The following ZNF100 variants were observed in gnomAD, a reference collection of about 807,000 sequenced individuals.
The protein encoded by ZNF100 is zinc finger protein 100, also known as zinc finger protein 100 (Y1).
A neutral mutation model predicts 15.8 loss-of-function variants in ZNF100; 12 were observed. The ratio of observed to expected loss-of-function variants is 0.76; its 90% CI spans 0.49 to 1.23. The LOEUF (loss-of-function observed/expected upper bound fraction) is 1.23, where lower values mean the gene tolerates loss of function less well. ZNF100 is among the 50% of genes most tolerant of loss of function. The pLI is 0.00. For missense variants in ZNF100, 670 were observed against 635.6 expected (o/e 1.05, Z -0.58); for synonymous variants, 226 against 214.8 (o/e 1.05, Z -0.45).
intron 2 of ZNF100, among the ~76,000 whole-genome samples, chr19:21,764,524 C>T (rs1464253239): frequency 6.6e-6 from 1 of 151,870 alleles, no homozygotes; most frequent in Non-Finnish European, 1.5e-5. Context: ...CCTCTAATCG[C>T]AGCTACTCAG....
rs1188457125 is a variant in ZNF100, at chr19:21,726,749, G to T, written c.1563C>A (p.Asp521Glu). ...TAATAAGGCTTAGGGACTGGTTAAAGTCTTTACCACATTCTTCCCATTTGT... is the reference window on the plus strand; with the variant it reads ...TAATAAGGCTTAGGGACTGGTTAAATTCTTTACCACATTCTTCCCATTTGT... Reference protein sequence around the residue: ...KSYKWEECGKDFNQSLSLIKQ... With the variant: ...KSYKWEECGKEFNQSLSLIKQ... Residue 521 changes from aspartate to glutamate, a missense_variant, in exon 5 of 5, where the codon GAC (aspartate) becomes GAA (glutamate). Asp to Glu is a conservative substitution (Grantham distance 45). Transcript: ENST00000358296. 6.2e-7 allele frequency: 1 copy of T among 1,612,732 alleles called. No homozygotes were observed. The highest frequency in any genetic ancestry group is 8.5e-7 in the Non-Finnish European group (1 of 1,179,446).
chr19:21,735,677 G>A (rs1264453566), intron 4 of ZNF100, among the ~76,000 whole-genome samples: 3 of 152,136 alleles, frequency 2.0e-5, no homozygotes, highest in African/African-American at 7.2e-5. Context: ...TGCAATCATA[G>A]TTTCTGATAA....
Position 21,728,112 on chromosome 19 carries a change from C to T in ZNF100, c.323-123G>A, listed in dbSNP as rs1419374408. 9 of 881,286 alleles carry T rather than the reference C, an allele frequency of 1.0e-5. No individual in the cohort carries two copies. The East Asian group carries it at 2.8e-4, about 28-fold the overall frequency. 54.6% of individuals were successfully genotyped at this position (881,286 alleles called of 1,614,324 possible). A position where few individuals can be genotyped will look rare whatever the true frequency, so the allele number is the denominator to read the frequency against. On this transcript the variant is annotated intron_variant, in intron 4 of 4. Coordinates refer to ENST00000358296, the MANE Select transcript of ZNF100 (RefSeq NM_173531.4). ...AGGAAAATACCAAAGGCCCTCATTCCTTTATAGACATATAAATGTAAAAAA... is the reference window on the plus strand; with the variant it reads ...AGGAAAATACCAAAGGCCCTCATTCTTTTATAGACATATAAATGTAAAAAA...
intron 4 of ZNF100, among the ~76,000 whole-genome samples, chr19:21,731,117 T>C (rs1261396895): frequency 6.6e-6 from 1 of 152,116 alleles, no homozygotes; most frequent in African/African-American, 2.4e-5. Flanking sequence ...TAAAAGCACA[T>C]TGCAAAGCTA....
chr19:21,747,770 T>G (rs12972019), intron 2 of ZNF100, among the ~76,000 whole-genome samples: 2 of 152,182 alleles, frequency 1.3e-5, no homozygotes, highest in African/African-American at 2.4e-5. Context: ...GAAAACAACA[T>G]GTACACATGT....
intron 2 of ZNF100, among the ~76,000 whole-genome samples, chr19:21,760,181 C>CAAAAA (rs58849505): frequency 3.0e-5 from 4 of 133,994 alleles, no homozygotes; most frequent in Admixed American, 1.6e-4. Context: ...GACTCCGTCT[C>CAAAAA]AAAAAAAAAA....
intron 4 of ZNF100, among the ~76,000 whole-genome samples, chr19:21,738,800 G>T (rs2036056478): frequency 6.6e-6 from 1 of 152,090 alleles, no homozygotes; most frequent in African/African-American, 2.4e-5. Flanking sequence ...ACAAAAATTA[G>T]CTGGGCATGG....
At chr19:21,744,580 A>C (rs991162297) in intron 3 of ZNF100, among the ~76,000 whole-genome samples, 1 of 151,942 alleles carries the variant, frequency 6.6e-6, no homozygotes, top group Non-Finnish European at 1.5e-5. Flanking sequence ...CTTTGTTGGC[A>C]AGGCTGGTCT....
rs1430399399 is a variant in ZNF100, at chr19:21,729,248, C to T, written c.323-1259G>A. 2.0e-5 allele frequency among the ~76,000 whole-genome samples: 3 copies of T among 152,028 alleles called. No homozygotes were observed. In the East Asian group the frequency reaches 5.8e-4, roughly 29 times the overall value. ...ATACAGCAATCAAGTAAGCATAATA[C>T]TATCAGCAAATCTGTCCTGCCAAAT... On this transcript the variant is annotated intron_variant, in intron 4 of 4. Transcript: ENST00000358296.
chr19:21,760,838 G>A (rs1444984176), intron 2 of ZNF100, among the ~76,000 whole-genome samples: 3 of 143,030 alleles, frequency 2.1e-5, no homozygotes, highest in Admixed American at 1.5e-4. Flanking sequence ...CTCACTGGAA[G>A]TTCCACTTTG....
chr19:21,751,854 T>C (rs2145730707), intron 2 of ZNF100: 1 of 765,974 alleles, frequency 1.3e-6, no homozygotes, highest in East Asian at 2.5e-5. Flanking sequence ...GGAGCAGCTG[T>C]AAGAAGGTCT....
intron 2 of ZNF100, 100 bp from the exon 3 acceptor site, chr19:21,745,167 G>A: frequency 6.7e-7 from 1 of 1,483,828 alleles, no homozygotes; most frequent in East Asian, 2.4e-5. Context: ...AAAGAGAATT[G>A]GTTCTGATTA....
chr19:21,744,171 G>A, intron 3 of ZNF100, 56 bp from the exon 4 acceptor site: 1 of 1,441,090 alleles, frequency 6.9e-7, no homozygotes, highest in East Asian at 2.5e-5. Context: ...TACCAACCTA[G>A]TACTATGCTT....
rs1374332946 is a variant in ZNF100 at position 21,727,370 on chromosome 19, C to T, written c.942G>A (p.Val314=). The T allele has an allele frequency of 1.2e-6, 2 of 1,612,926 alleles. No homozygotes were observed. The highest frequency in any genetic ancestry group is 2.2e-5 in the East Asian group (1 of 44,872). The change falls in exon 5 of 5, where the codon GTG becomes GTA. Residue 314 remains valine (V), a synonymous_variant. Coordinates refer to ENST00000358296, the MANE Select transcript of ZNF100 (RefSeq NM_173531.4). ...CACATTCTGTACATTTGTAGGGTTT[C>T]ACTCCAGTATGAATTCTTTTATGTG... ...LTTHKRIHTG[V]KPYKCTECGK...
intron 2 of ZNF100, 72 bp from the exon 3 acceptor site, chr19:21,745,139 A>G: frequency 1.3e-6 from 2 of 1,546,322 alleles, no homozygotes; most frequent in Non-Finnish European, 1.7e-6. Flanking sequence ...TATTTGAATT[A>G]AAATGAAATG....
At position 21,767,503 on chromosome 19, in the gene ZNF100, G is replaced by C; in HGVS notation, c.-74C>G. The C allele has an allele frequency of 6.2e-7, 1 of 1,604,104 alleles. No homozygotes were observed. Among genetic ancestry groups the C allele is most frequent in the Admixed American group, 1.7e-5 (1 of 59,018 alleles). ...ATCTGCAGGTCAGAGGGCCACACAG[G>C]CTAGGCCCCTAGGAGCAGAAGACAC... On this transcript the variant is annotated 5_prime_UTR_variant, in exon 1 of 5. Transcript: ENST00000358296.
chr19:21,747,993 A>G (rs1428040001), intron 2 of ZNF100, among the ~76,000 whole-genome samples: 1 of 152,210 alleles, frequency 6.6e-6, no homozygotes, highest in Non-Finnish European at 1.5e-5. Flanking sequence ...AATGTACAGA[A>G]TAAGGCTAAA....
chr19:21,753,732 C>T (rs2036347063), intron 2 of ZNF100, among the ~76,000 whole-genome samples: 1 of 152,206 alleles, frequency 6.6e-6, no homozygotes, highest in Non-Finnish European at 1.5e-5. Context: ...ACTTGCAGAG[C>T]TGTGCTCTAT....
chr19:21,747,284 A>G (rs1196779932), intron 2 of ZNF100, among the ~76,000 whole-genome samples: 1 of 152,140 alleles, frequency 6.6e-6, no homozygotes, highest in East Asian at 1.9e-4. Flanking sequence ...GAGTCACATG[A>G]GGCACTTCAT....
Sources: gnomAD v4.1 joint callset for allele counts (sites outside exome capture counted in the v4.1 genomes callset) on GRCh38, gnomAD v4.1.1 for gene constraint, MANE v1.5 for transcripts, NCBI Gene and HGNC (gene_info 2026-07-23, HGNC 2026-07-21) for gene names.